Variants in TANGO6 observed in about 807,000 individuals in gnomAD.
TANGO6 encodes transport and golgi organization 6 homolog.
TANGO6 carries 90 observed loss-of-function variants against 114.2 expected under a neutral mutation model. The ratio of observed to expected loss-of-function variants is 0.79; its 90% CI spans 0.66 to 0.94. The LOEUF (loss-of-function observed/expected upper bound fraction) is 0.94. Ranked by LOEUF, TANGO6 falls within the 40% of genes least tolerant of loss-of-function variation. TANGO6 has a pLI of 0.00. For synonymous variants in TANGO6, 477 were observed against 509.8 expected (o/e 0.94, Z 0.87); for missense variants, 1,274 against 1,315.3 (o/e 0.97, Z 0.49).
At chr16:68,857,682 A>T (rs528494650) in intron 1 of TANGO6, among the ~76,000 whole-genome samples, 1 of 152,232 alleles carries the variant, frequency 6.6e-6, no homozygotes, top group Non-Finnish European at 1.5e-5. Context: ...TCAGCATTTA[A>T]TGTTGTCAGT....
chr16:68,954,185 G>A (rs1006973460), intron 14 of TANGO6, among the ~76,000 whole-genome samples: 6 of 150,864 alleles, frequency 4.0e-5, no homozygotes, highest in Non-Finnish European at 7.4e-5. Context: ...AGGAAGCAGA[G>A]GTTGCAGTGA....
At chr16:68,848,482 C>T (rs1961850382) in intron 1 of TANGO6, among the ~76,000 whole-genome samples, 2 of 151,490 alleles carry the variant, frequency 1.3e-5, no homozygotes, top group South Asian at 4.2e-4. Flanking sequence ...TTTTATAACC[C>T]TAAAATAACT....
At chr16:68,992,713 T>G (rs1357709728) in intron 15 of TANGO6, among the ~76,000 whole-genome samples, 1 of 152,234 alleles carries the variant, frequency 6.6e-6, no homozygotes, top group Non-Finnish European at 1.5e-5. Context: ...ATTACTCATC[T>G]TTCCAAGTCA....
intron 7 of TANGO6, among the ~76,000 whole-genome samples, chr16:68,882,353 C>T (rs1423589282): frequency 4.0e-5 from 6 of 151,870 alleles, no homozygotes; most frequent in East Asian, 1.9e-4. Context: ...AAAAATTAGC[C>T]GGGCGTGGTG....
chr16:68,969,218 G>A (rs1008330680), intron 14 of TANGO6, among the ~76,000 whole-genome samples: 9 of 152,102 alleles, frequency 5.9e-5, no homozygotes, highest in African/African-American at 1.9e-4. Context: ...CTTGAATCTT[G>A]TGCTGACCCA....
At chr16:68,977,498 G>C (rs1027016717) in intron 15 of TANGO6, among the ~76,000 whole-genome samples, 1 of 151,128 alleles carries the variant, frequency 6.6e-6, no homozygotes, top group East Asian at 2.0e-4. Flanking sequence ...ACGATCAAGA[G>C]ATCGAGACCA....
intron 16 of TANGO6, among the ~76,000 whole-genome samples, chr16:69,024,154 A>G (rs138677346): frequency 0.031 from 4,729 of 152,074 alleles, 258 homozygotes; most frequent in African/African-American, 0.11. Flanking sequence ...CACCTGCCTC[A>G]GCCTCCCAAA....
chr16:68,945,020 A>G (rs1296729541), intron 14 of TANGO6, among the ~76,000 whole-genome samples: 1 of 152,106 alleles, frequency 6.6e-6, no homozygotes, highest in African/African-American at 2.4e-5. Context: ...GGTTGTGCAC[A>G]CCTGTAATCC....
At chr16:68,935,517 G>A (rs2152199821) in intron 14 of TANGO6, among the ~76,000 whole-genome samples, 1 of 152,104 alleles carries the variant, frequency 6.6e-6, no homozygotes, top group East Asian at 1.9e-4. Flanking sequence ...AATACCCTAG[G>A]AGTTAAATTT....
intron 5 of TANGO6, among the ~76,000 whole-genome samples, chr16:68,876,107 A>C (rs749694090): frequency 6.6e-6 from 1 of 152,174 alleles, no homozygotes. Flanking sequence ...ATATATTAAC[A>C]TGTATGTGCA....
intron 14 of TANGO6, among the ~76,000 whole-genome samples, chr16:68,967,077 G>A (rs1460216950): frequency 6.6e-6 from 1 of 152,056 alleles, no homozygotes; most frequent in Non-Finnish European, 1.5e-5. Context: ...CAGCCTATCT[G>A]GCTAATTTTT....
chr16:69,037,410 C>G (rs907015911), intron 16 of TANGO6, among the ~76,000 whole-genome samples: 2 of 152,196 alleles, frequency 1.3e-5, no homozygotes, highest in African/African-American at 4.8e-5. Context: ...TAGAGGGGAG[C>G]AAACATAATG....
At chr16:68,978,699 C>G (rs1204635608) in intron 15 of TANGO6, among the ~76,000 whole-genome samples, 2 of 152,116 alleles carry the variant, frequency 1.3e-5, no homozygotes, top group Non-Finnish European at 2.9e-5. Context: ...CTCCCCACCC[C>G]TACCTCTTCT....
At chr16:68,888,353 T>C (rs1052117789) in intron 7 of TANGO6, among the ~76,000 whole-genome samples, 1 of 152,162 alleles carries the variant, frequency 6.6e-6, no homozygotes, top group African/African-American at 2.4e-5. Flanking sequence ...GAGGCCTAGG[T>C]TGCACAGAGA....
chr16:68,951,813 C>T (rs1963474218), intron 14 of TANGO6, among the ~76,000 whole-genome samples: 1 of 152,148 alleles, frequency 6.6e-6, no homozygotes, highest in Admixed American at 6.5e-5. Context: ...GAGGTTTCAC[C>T]GTGTTAGCTA....
At chr16:68,851,262 C>T (rs1174649944) in intron 1 of TANGO6, among the ~76,000 whole-genome samples, 5 of 152,088 alleles carry the variant, frequency 3.3e-5, no homozygotes, top group Non-Finnish European at 5.9e-5. Context: ...CAGGTTCAAG[C>T]GATTCTCCTG....
chr16:68,969,863 T>G (rs1251770494), intron 14 of TANGO6, among the ~76,000 whole-genome samples: 2 of 152,084 alleles, frequency 1.3e-5, no homozygotes, highest in Non-Finnish European at 2.9e-5. Context: ...AAAGATGCCA[T>G]CGGGTCTCTT....
At chr16:69,082,586 A>G (rs895212548) in intron 17 of TANGO6, among the ~76,000 whole-genome samples, 1 of 152,130 alleles carries the variant, frequency 6.6e-6, no homozygotes, top group South Asian at 2.1e-4. Context: ...CTCTACTAAA[A>G]ATACAAAAAT....
chr16:68,972,344 T>C (rs1328632372), intron 14 of TANGO6, among the ~76,000 whole-genome samples: 1 of 151,842 alleles, frequency 6.6e-6, no homozygotes. Flanking sequence ...CAGTGAAGAG[T>C]GTGGATGTGA....
Sources: allele counts gnomAD v4.1 joint callset (sites outside exome capture counted in the v4.1 genomes callset), GRCh38; gene constraint gnomAD v4.1.1; transcripts MANE v1.5; gene names NCBI Gene and HGNC (gene_info 2026-07-23, HGNC 2026-07-21).